The following PLA2G4A variants were observed in gnomAD, a reference collection of about 807,000 sequenced individuals.
PLA2G4A encodes phospholipase A2 group IVA, also known as cytosolic phospholipase A2.
Under a neutral mutation model 81.9 loss-of-function variants are expected in PLA2G4A, and 40 were observed. The ratio of observed to expected loss-of-function variants is 0.49; its 90% CI spans 0.38 to 0.64. The LOEUF is 0.64. PLA2G4A is among the 30% of genes least tolerant of loss of function. The pLI is 0.00. For missense variants in PLA2G4A, 715 were observed against 905.1 expected (o/e 0.79, Z 2.69); for synonymous variants, 302 against 296.9 (o/e 1.02, Z -0.18).
At chr1:186,901,992 G>A (rs566700626) in intron 5 of PLA2G4A, among the ~76,000 whole-genome samples, 2 of 152,218 alleles carry the variant, frequency 1.3e-5, no homozygotes, top group Admixed American at 6.5e-5. Context: ...TGCATCCTTA[G>A]GTGACTTCAT....
chr1:186,870,301 C>A, intron 2 of PLA2G4A, 134 bp from the exon 3 acceptor site: 1 of 692,904 alleles, frequency 1.4e-6, no homozygotes, highest in Non-Finnish European at 2.6e-6. Flanking sequence ...AAAAAAGAAG[C>A]AGCCTTACAT....
chr1:186,911,891 G>A (rs1654957683), intron 7 of PLA2G4A, among the ~76,000 whole-genome samples: 1 of 152,202 alleles, frequency 6.6e-6, no homozygotes, highest in Non-Finnish European at 1.5e-5. Context: ...AGGTGCACCA[G>A]TGGAGTAACT....
chr1:186,891,457 CT>C (rs1654139132), intron 3 of PLA2G4A, among the ~76,000 whole-genome samples: 1 of 152,118 alleles, frequency 6.6e-6, no homozygotes, highest in African/African-American at 2.4e-5. Context: ...CTCCAGCCCC[CT>C]ACTACCCTTC....
intron 1 of PLA2G4A, among the ~76,000 whole-genome samples, chr1:186,851,650 C>T (rs1374793574): frequency 1.3e-5 from 2 of 151,710 alleles, no homozygotes; most frequent in African/African-American, 4.8e-5. Flanking sequence ...AGTGCTGAAT[C>T]GTAAGGATTA....
chr1:186,886,001 A>G (rs965218591), intron 3 of PLA2G4A, among the ~76,000 whole-genome samples: 5 of 152,074 alleles, frequency 3.3e-5, no homozygotes, highest in African/African-American at 1.2e-4. Context: ...TCTGTAGCCA[A>G]TAAAATATAT....
chr1:186,852,703 C>T (rs928035016), intron 1 of PLA2G4A, among the ~76,000 whole-genome samples: 2 of 152,008 alleles, frequency 1.3e-5, no homozygotes, highest in Non-Finnish European at 2.9e-5. Context: ...CCCTCATCAT[C>T]TAATCACCTC....
At chr1:186,911,153 T>C (rs1217536009) in intron 6 of PLA2G4A, 95 bp from the exon 7 acceptor site, 4 of 937,490 alleles carry the variant, frequency 4.3e-6, no homozygotes, top group Admixed American at 1.7e-5. Flanking sequence ...TCAGCATATA[T>C]CAGTGTAGCT....
chr1:186,953,068 T>G (rs12567071), intron 13 of PLA2G4A, among the ~76,000 whole-genome samples: 44,698 of 152,092 alleles, frequency 0.29, 8,679 homozygotes, highest in African/African-American at 0.54. Flanking sequence ...TTCAGTTTAT[T>G]TGGGTAAATA....
rs1423468924 is a variant in PLA2G4A at position 186,939,243 on chromosome 1, TC to T, written c.918+14del. 8.7e-7 allele frequency: 1 copy of T among 1,155,874 alleles called. No individual in the cohort carries two copies. The highest frequency in any genetic ancestry group is 1.5e-5 in the African/African-American group (1 of 66,224). The allele number at this position is 1,155,874 out of a possible 1,614,324, so 71.6% of individuals were successfully genotyped here. On this transcript the variant is annotated intron_variant, in intron 9 of 17. Coordinates refer to ENST00000367466, the MANE Select transcript of PLA2G4A (RefSeq NM_024420.3). Reference sequence around the variant, plus strand: ...ACTAATTCATAATGTAAGTTACAGTTCAATCTACACTGCTTTTATAACAAGT... The same window carrying T: ...ACTAATTCATAATGTAAGTTACAGTTAATCTACACTGCTTTTATAACAAGT...
intron 15 of PLA2G4A, among the ~76,000 whole-genome samples, chr1:186,969,158 G>A (rs959377577): frequency 6.6e-6 from 1 of 151,150 alleles, no homozygotes; most frequent in Non-Finnish European, 1.5e-5. Context: ...TGATTTTATT[G>A]TTTCAAATAT....
intron 1 of PLA2G4A, among the ~76,000 whole-genome samples, chr1:186,853,526 A>C (rs528607834): frequency 3.3e-5 from 5 of 151,944 alleles, no homozygotes; most frequent in African/African-American, 1.2e-4. Flanking sequence ...CATATTAAAG[A>C]TAGATAATAA....
chr1:186,861,432 C>T (rs10911933), intron 2 of PLA2G4A, among the ~76,000 whole-genome samples: 131,188 of 152,220 alleles, frequency 0.86, 56,904 homozygotes, highest in African/African-American at 0.96. Flanking sequence ...TTGCTCTCTG[C>T]CTTGGTAGTT....
At chr1:186,856,399 T>C (rs1378775323) in intron 2 of PLA2G4A, among the ~76,000 whole-genome samples, 1 of 151,274 alleles carries the variant, frequency 6.6e-6, no homozygotes. Flanking sequence ...GTTGCTTTTT[T>C]TTTTTTTTGA....
chr1:186,873,506 T>G (rs188403380), intron 3 of PLA2G4A, among the ~76,000 whole-genome samples: 1 of 152,220 alleles, frequency 6.6e-6, no homozygotes, highest in East Asian at 1.9e-4. Flanking sequence ...AATGATAGAT[T>G]ACTATTGGAG....
intron 5 of PLA2G4A, among the ~76,000 whole-genome samples, chr1:186,906,236 C>T (rs1194315100): frequency 6.6e-6 from 1 of 152,166 alleles, no homozygotes; most frequent in Non-Finnish European, 1.5e-5. Context: ...TTGAAAAGGC[C>T]TTTCTGTACA....
chr1:186,880,962 C>T (rs899040125), intron 3 of PLA2G4A, among the ~76,000 whole-genome samples: 1 of 151,940 alleles, frequency 6.6e-6, no homozygotes, highest in African/African-American at 2.4e-5. Flanking sequence ...GTTGTTTTGG[C>T]GTATATTTCT....
chr1:186,939,210 G>A lies in PLA2G4A; in HGVS notation c.898G>A (p.Gly300Arg). The A allele has an allele frequency of 6.4e-7, 1 of 1,560,534 alleles. No homozygotes were observed. The highest frequency in any genetic ancestry group is 8.8e-7 in the Non-Finnish European group (1 of 1,131,504). Residue 300 changes from glycine (G) to arginine (R), a missense_variant, in exon 9 of 18, where the codon GGA becomes AGA. Transcript: ENST00000367466. ...TFTDIFGMLIGETLIHNRMNT... is the reference protein window; with the variant it reads ...TFTDIFGMLIRETLIHNRMNT... ...TACTGATATCTTTGGGATGTTAATA[G>A]GAGAAACACTAATTCATAATGTAAG...
At chr1:186,909,098 C>A (rs1013027257) in intron 6 of PLA2G4A, among the ~76,000 whole-genome samples, 19 of 149,480 alleles carry the variant, frequency 1.3e-4, no homozygotes, top group African/African-American at 4.6e-4. Context: ...CTCAGCCTCC[C>A]GAGTAGCTGG....
At chr1:186,889,223 G>T (rs1003089005) in intron 3 of PLA2G4A, among the ~76,000 whole-genome samples, 21 of 152,176 alleles carry the variant, frequency 1.4e-4, no homozygotes, top group African/African-American at 4.6e-4. Flanking sequence ...TAAGCACTGA[G>T]TTAGAAATGA....
Sources: gnomAD v4.1 joint callset for allele counts (sites outside exome capture counted in the v4.1 genomes callset) on GRCh38, gnomAD v4.1.1 for gene constraint, MANE v1.5 for transcripts, NCBI Gene and HGNC (gene_info 2026-07-23, HGNC 2026-07-21) for gene names.